The following NDUFC1 variants were observed in gnomAD, a reference collection of about 807,000 sequenced individuals.
NDUFC1 encodes the protein NADH:ubiquinone oxidoreductase subunit C1.
A neutral mutation model predicts 11.6 loss-of-function variants in NDUFC1; 11 were observed. The ratio of observed to expected loss-of-function variants is 0.95; its 90% CI spans 0.60 to 1.58. The LOEUF (loss-of-function observed/expected upper bound fraction) is 1.58. NDUFC1 is among the 40% of genes most tolerant of loss of function. The pLI, the probability that NDUFC1 is intolerant of heterozygous loss-of-function variation, is 0.00. For missense variants in NDUFC1, 112 were observed against 93.0 expected, an observed-to-expected ratio of 1.20 and a Z score of -0.84; for synonymous variants, 52 against 42.2, an observed-to-expected ratio of 1.23 and a Z score of -0.90.
At chr4:139,291,871 C>G (rs1355332875) in intron 5 of NDUFC1, among the ~76,000 whole-genome samples, 1 of 151,028 alleles carries the variant, frequency 6.6e-6, no homozygotes, top group East Asian at 1.9e-4. Context: ...GAGTCTCACT[C>G]TGTCACCCAG....
At chr4:139,290,272 A>T (rs1448697140) in intron 5 of NDUFC1, among the ~76,000 whole-genome samples, 180 bp from the exon 6 acceptor site, 1 of 152,024 alleles carries the variant, frequency 6.6e-6, no homozygotes, top group East Asian at 1.9e-4. Context: ...AAAGAACAGC[A>T]AAAGCCATCT....
chr4:139,296,027 G>C (rs1579064272), intron 2 of NDUFC1, 67 bp from the exon 3 acceptor site: 1 of 508,944 alleles, frequency 2.0e-6, no homozygotes, highest in East Asian at 3.6e-5. Context: ...CTGTCCTCTG[G>C]GGGTTTTTCA....
At chr4:139,298,600 A>AC (rs1745573296) in intron 1 of NDUFC1, among the ~76,000 whole-genome samples, 1 of 151,806 alleles carries the variant, frequency 6.6e-6, no homozygotes, top group Non-Finnish European at 1.5e-5. Flanking sequence ...CACACACACA[A>AC]AAAAAACCCA....
chr4:139,302,200 C>G, intron 1 of NDUFC1: 1 of 235,034 alleles, frequency 4.3e-6, no homozygotes, highest in African/African-American at 2.2e-5. Context: ...GGGAACCCTG[C>G]TGGCAGGTCG....
At chr4:139,299,493 TCAG>T (rs1237919501) in intron 1 of NDUFC1, among the ~76,000 whole-genome samples, 2 of 152,174 alleles carry the variant, frequency 1.3e-5, no homozygotes, top group Non-Finnish European at 2.9e-5. Context: ...TTAACTATCA[TCAG>T]CAGCAGCAGC....
intron 1 of NDUFC1, among the ~76,000 whole-genome samples, chr4:139,300,305 G>T (rs1745655984): frequency 6.6e-6 from 1 of 152,112 alleles, no homozygotes; most frequent in African/African-American, 2.4e-5. Context: ...CAATATAGCA[G>T]CTACAAAACC....
At chr4:139,299,507 G>A (rs1286340676) in intron 1 of NDUFC1, among the ~76,000 whole-genome samples, 1 of 152,114 alleles carries the variant, frequency 6.6e-6, no homozygotes, top group Admixed American at 6.5e-5. Context: ...CAGCAGCAGC[G>A]GCAGCATATA....
intron 1 of NDUFC1, among the ~76,000 whole-genome samples, chr4:139,299,116 C>T (rs1194148918): frequency 6.6e-6 from 1 of 151,882 alleles, no homozygotes; most frequent in Non-Finnish European, 1.5e-5. Context: ...GTTACAGGCA[C>T]GCACCACCAC....
chr4:139,290,833 G>T (rs1332475124), intron 5 of NDUFC1, among the ~76,000 whole-genome samples: 1 of 151,518 alleles, frequency 6.6e-6, no homozygotes, highest in Admixed American at 6.6e-5. Context: ...GTCTTGTTCT[G>T]TTGCCCAGGC....
intron 1 of NDUFC1, among the ~76,000 whole-genome samples, chr4:139,298,211 G>T (rs1433670492): frequency 6.6e-6 from 1 of 152,030 alleles, no homozygotes; most frequent in Non-Finnish European, 1.5e-5. Context: ...AGGCCGAGGC[G>T]GGCGGATCAC....
At chr4:139,302,318 G>C (rs1745816643) in intron 1 of NDUFC1, 98 bp downstream of exon 1, 1 of 155,670 alleles carries the variant, frequency 6.4e-6, no homozygotes, top group Non-Finnish European at 1.4e-5. Flanking sequence ...TCCTCTCTTG[G>C]GATTCACCTG....
At chr4:139,291,838 ATTCT>A (rs1212106713) in intron 5 of NDUFC1, among the ~76,000 whole-genome samples, 1 of 151,662 alleles carries the variant, frequency 6.6e-6, no homozygotes, top group African/African-American at 2.4e-5. Context: ...TTTTGGGTTC[ATTCT>A]TTTTTTTTTT....
intron 4 of NDUFC1, 133 bp downstream of exon 4, chr4:139,294,910 T>TATATAA: frequency 1.7e-6 from 1 of 594,820 alleles, no homozygotes; most frequent in Non-Finnish European, 3.0e-6. Context: ...TATCAGCGAT[T>TATATAA]ATATAAATAT....
At position 139,293,020 on chromosome 4, in the gene NDUFC1, C is replaced by G. The variant is rs914853868; in HGVS notation, c.172-411G>C. Among the ~76,000 whole-genome samples the G allele has an allele frequency of 2.0e-5, 3 of 152,022 alleles. No individual in the cohort carries two copies. In the South Asian group the frequency reaches 6.2e-4, roughly 32 times the overall value. ...ATCTTTAGTAGAGATGGGGTTTCAC[C>G]ATGTTGGCCAGGCTGGTCTCGAACT... is the stretch of plus-strand genomic sequence containing the variant. On this transcript the variant is annotated intron_variant, in intron 4 of 5. Coordinates refer to ENST00000394223, the MANE Select transcript of NDUFC1 (RefSeq NM_001184989.2).
intron 2 of NDUFC1, chr4:139,296,191 T>C: frequency 5.3e-6 from 1 of 187,778 alleles, no homozygotes; most frequent in Non-Finnish European, 1.1e-5. Flanking sequence ...TTTACATTCA[T>C]TGTCTTATTT....
At chr4:139,302,063 C>A in intron 1 of NDUFC1, 2 of 420,434 alleles carry the variant, frequency 4.8e-6, no homozygotes, top group South Asian at 1.3e-4. Flanking sequence ...GCCCTGGTTC[C>A]GGACTAGGCC....
chr4:139,297,791 C>T (rs1260566141), intron 1 of NDUFC1, among the ~76,000 whole-genome samples: 1 of 152,240 alleles, frequency 6.6e-6, no homozygotes. Flanking sequence ...GGGCCAGTCA[C>T]AGTGGCTCAG....
At chr4:139,301,331 C>G in intron 1 of NDUFC1, 1 of 401,730 alleles carries the variant, frequency 2.5e-6, no homozygotes. Context: ...GAGGGTACCA[C>G]GCACTGAAAT....
rs538584614 is a variant in NDUFC1, at chr4:139,292,845, C to T, written c.172-236G>A. 2.9e-4 allele frequency among the ~76,000 whole-genome samples: 44 copies of T among 151,550 alleles called. No homozygotes were observed. The South Asian group carries it at 4.6e-3, about 16-fold the overall frequency. On this transcript the variant is annotated intron_variant, in intron 4 of 5. Transcript: ENST00000394223. The stretch of plus-strand genomic sequence containing the variant: ...ATATATTTATTTATTTATTTAGAGA[C>T]GGAGTTTTGCTCCACCCCAGGCTGG...
Sources: gnomAD v4.1 joint callset for allele counts (sites outside exome capture counted in the v4.1 genomes callset) on GRCh38, gnomAD v4.1.1 for gene constraint, MANE v1.5 for transcripts, NCBI Gene and HGNC (gene_info 2026-07-23, HGNC 2026-07-21) for gene names.